NSUN2: variants seen among roughly 807,000 people sequenced by gnomAD.
The protein encoded by NSUN2 is RNA cytosine C(5)-methyltransferase NSUN2.
Under a neutral mutation model 92.7 loss-of-function variants are expected in NSUN2, and 63 were observed. The ratio of observed to expected loss-of-function variants is 0.68; its 90% CI spans 0.56 to 0.84. NSUN2 has a LOEUF of 0.84. NSUN2 is among the 40% of genes least tolerant of loss of function. NSUN2 has a pLI of 0.00. For synonymous variants in NSUN2, 356 were observed against 348.3 expected (o/e 1.02, Z -0.25); for missense variants, 989 against 964.9 (o/e 1.02, Z -0.33).
intron 9 of NSUN2, among the ~76,000 whole-genome samples, chr5:6,614,094 GGAAAAAAAAAAAAAA>G: frequency 1.9e-5 from 1 of 53,414 alleles, no homozygotes; most frequent in South Asian, 7.4e-4. Context: ...AGACTGTCTC[GGAAAAAAAAAAAAAA>G]AAAAAAAAAA....
At chr5:6,605,225 C>T (rs1175319995) in intron 15 of NSUN2, 48 bp downstream of exon 15, 1 of 1,603,684 alleles carries the variant, frequency 6.2e-7, no homozygotes, top group Non-Finnish European at 8.5e-7. Flanking sequence ...TGTGAAAAGC[C>T]ACACGCATCC....
At chr5:6,611,448 T>TA (rs760872450) in intron 10 of NSUN2, among the ~76,000 whole-genome samples, 2,223 of 86,126 alleles carry the variant, frequency 0.026, 155 homozygotes, top group African/African-American at 0.092. Flanking sequence ...CGGCCCAATT[T>TA]AAAAAAAAAA....
At chr5:6,605,457 T>C in intron 14 of NSUN2, 49 bp from the exon 15 acceptor site, 1 of 1,592,268 alleles carries the variant, frequency 6.3e-7, no homozygotes, top group Non-Finnish European at 8.6e-7. Context: ...CAAAATCTGG[T>C]AGACTGTTTC....
At chr5:6,614,095 GAAAAAAA>G (rs70937111) in intron 9 of NSUN2, among the ~76,000 whole-genome samples, 2 of 34,654 alleles carry the variant, frequency 5.8e-5, no homozygotes, top group Admixed American at 7.4e-4. Context: ...GACTGTCTCG[GAAAAAAA>G]AAAAAAAAAA....
Position 6,600,066 on chromosome 5 carries a change from C to T in NSUN2, c.2164G>A (p.Ala722Thr). The change falls in exon 19 of 19, where the codon GCA becomes ACA. Residue 722 changes from alanine to threonine, a missense_variant. Transcript: ENST00000264670. ...TTGTCTGGCTGTCCGGTGCTGGCTGCACTCTCATTTGTGAGGATAACCCCT... is the reference window on the plus strand; with the variant it reads ...TTGTCTGGCTGTCCGGTGCTGGCTGTACTCTCATTTGTGAGGATAACCCCT... ...KEGVILTNES[A>T]ASTGQPDNDV... The T allele has an allele frequency of 1.2e-6, 2 of 1,614,254 alleles. No individual in the cohort carries two copies. Among genetic ancestry groups the T allele is most frequent in the Non-Finnish European group, 1.7e-6 (2 of 1,180,046 alleles).
chr5:6,625,422 G>A (rs897520508), intron 4 of NSUN2, 142 bp downstream of exon 4: 2 of 614,982 alleles, frequency 3.3e-6, no homozygotes, highest in Admixed American at 5.7e-5. Flanking sequence ...GAAATCACAG[G>A]TGGTGCACAC....
intron 11 of NSUN2, among the ~76,000 whole-genome samples, chr5:6,610,332 C>A (rs571540328): frequency 6.6e-6 from 1 of 152,026 alleles, no homozygotes; most frequent in African/African-American, 2.4e-5. Flanking sequence ...CAGCCTTGGC[C>A]TCCCAAAGTG....
rs781643874 is a variant in NSUN2, at chr5:6,632,590, C to T, written c.254+9G>A. 1.2e-6 allele frequency: 2 copies of T among 1,612,950 alleles called. No homozygotes were observed. The highest frequency in any genetic ancestry group is 3.3e-4 in the Middle Eastern group (2 of 6,052). On this transcript the variant is annotated intron_variant, in intron 2 of 18. Transcript: ENST00000264670. ...CCAACTCCCAAAAAATCAGGCACTG[C>T]CTCCCTACCTTTTGTAACCAGTAAT...
At chr5:6,620,028 A>G in intron 7 of NSUN2, 78 bp downstream of exon 7, 1 of 1,237,846 alleles carries the variant, frequency 8.1e-7, no homozygotes, top group Non-Finnish European at 1.1e-6. Context: ...TGTCATATTC[A>G]TGCACAACTT....
intron 3 of NSUN2, among the ~76,000 whole-genome samples, chr5:6,629,832 G>T (rs1560986576): frequency 6.6e-6 from 1 of 152,094 alleles, no homozygotes. Context: ...TTTATTAGGG[G>T]CTTCTTCCTT....
Position 6,632,578 on chromosome 5 carries a change from A to T in NSUN2, c.254+21T>A, listed in dbSNP as rs764919599. ...AGCATCCTGGCCCCAACTCCCAAAA[A>T]ATCAGGCACTGCCTCCCTACCTTTT... On this transcript the variant is annotated intron_variant, in intron 2 of 18. Transcript: ENST00000264670. 5.0e-6 allele frequency: 8 copies of T among 1,611,288 alleles called. No individual in the cohort carries two copies. The South Asian group carries it at 7.7e-5, about 15-fold the overall frequency.
At chr5:6,611,887 A>G in intron 9 of NSUN2, 89 bp from the exon 10 acceptor site, 1 of 1,107,362 alleles carries the variant, frequency 9.0e-7, no homozygotes, top group Non-Finnish European at 1.3e-6. Context: ...CAGATCACAT[A>G]TTATATGATT....
intron 18 of NSUN2, among the ~76,000 whole-genome samples, chr5:6,601,739 T>C (rs1226839747): frequency 6.6e-6 from 1 of 152,086 alleles, no homozygotes; most frequent in East Asian, 1.9e-4. Flanking sequence ...ATCTGTACAG[T>C]GGTTCTACCT....
chr5:6,621,999 A>G lies in NSUN2; in HGVS notation c.622+17T>C. 6.2e-7 allele frequency: 1 copy of G among 1,604,410 alleles called. No homozygotes were observed. The highest frequency in any genetic ancestry group is 1.3e-5 in the African/African-American group (1 of 74,820). On this transcript the variant is annotated intron_variant, in intron 6 of 18. Transcript: ENST00000264670. Reference sequence around the variant, plus strand: ...AAGTGGCATTCCTACCATTTTGAACACAAGTCCAATGCATACCTGGAAAGG... The same window carrying G: ...AAGTGGCATTCCTACCATTTTGAACGCAAGTCCAATGCATACCTGGAAAGG...
chr5:6,604,575 A>G (rs1295965187), intron 16 of NSUN2, 30 bp downstream of exon 16: 1 of 1,585,136 alleles, frequency 6.3e-7, no homozygotes, highest in South Asian at 1.1e-5. Flanking sequence ...ATCTGTGGCT[A>G]CTGCTGTTCA....
intron 17 of NSUN2, chr5:6,603,806 G>C: frequency 4.4e-6 from 1 of 229,386 alleles, no homozygotes; most frequent in African/African-American, 2.3e-5. Context: ...TGCCAGGGCT[G>C]CTCACAGGCT....
At chr5:6,619,605 G>A (rs951785399) in intron 7 of NSUN2, among the ~76,000 whole-genome samples, 1 of 152,114 alleles carries the variant, frequency 6.6e-6, no homozygotes, top group African/African-American at 2.4e-5. Flanking sequence ...CTCAAGAAAG[G>A]TATAAAAACA....
chr5:6,602,898 C>G (rs955236950), intron 17 of NSUN2, among the ~76,000 whole-genome samples: 1 of 152,238 alleles, frequency 6.6e-6, no homozygotes, highest in African/African-American at 2.4e-5. Flanking sequence ...CTGCAATCAT[C>G]TAAGTGCAGG....
chr5:6,613,223 T>C (rs1299462227), intron 9 of NSUN2, among the ~76,000 whole-genome samples: 1 of 152,194 alleles, frequency 6.6e-6, no homozygotes, highest in African/African-American at 2.4e-5. Context: ...TACTATGACA[T>C]ATTGGAATGT....
Sources: gnomAD v4.1 joint callset for allele counts (sites outside exome capture counted in the v4.1 genomes callset) on GRCh38, gnomAD v4.1.1 for gene constraint, MANE v1.5 for transcripts, NCBI Gene and HGNC (gene_info 2026-07-23, HGNC 2026-07-21) for gene names.